SPPL2B: variants seen among roughly 807,000 people sequenced by gnomAD.
The protein encoded by SPPL2B is signal peptide peptidase-like 2B.
In SPPL2B, 39 loss-of-function variants were observed where a neutral mutation model predicts 59.7. The ratio of observed to expected loss-of-function variants is 0.65; its 90% CI spans 0.51 to 0.85. The LOEUF (loss-of-function observed/expected upper bound fraction) is 0.85, where lower values mean the gene tolerates loss of function less well. Among genes scored for constraint, SPPL2B ranks in the 40% least tolerant of loss-of-function variants. The pLI is 0.00. For missense variants in SPPL2B, 865 were observed against 849.0 expected, an observed-to-expected ratio of 1.02 and a Z score of -0.23; for synonymous variants, 419 against 370.8, an observed-to-expected ratio of 1.13 and a Z score of -1.49.
intron 7 of SPPL2B, chr19:2,340,473 A>T: frequency 1.6e-6 from 1 of 610,390 alleles, no homozygotes; most frequent in Non-Finnish European, 3.0e-6. Context: ...GGAACCCAGA[A>T]GGTTCCCCAC....
chr19:2,352,863 C>G (rs910010002), intron 14 of SPPL2B, 83 bp from the exon 15 acceptor site: 4 of 1,485,358 alleles, frequency 2.7e-6, no homozygotes, highest in Non-Finnish European at 3.7e-6. Flanking sequence ...CCGTGGCCTG[C>G]GGGTGCTGGG....
intron 1 of SPPL2B, 21 bp downstream of exon 1, chr19:2,328,796 G>C: frequency 7.3e-7 from 1 of 1,370,496 alleles, no homozygotes; most frequent in Non-Finnish European, 9.4e-7. Flanking sequence ...CACCGGTCCC[G>C]ACGGCACCGC....
chr19:2,332,853 T>G lies in SPPL2B; in HGVS notation c.67-1749T>G, dbSNP rs903730594. On this transcript the variant is annotated intron_variant, in intron 1 of 14. Transcript: ENST00000613503. This position sits in a 1 kb window ranked among gnomAD's most constrained non-coding sequence, Gnocchi z 4.6. ...CTGTGAGACCCTCTGGTGACTGGCA[T>G]CCTGGCGAGATGGAGATGTCTTTGT... Among the ~76,000 whole-genome samples, 8 of 152,094 alleles carry G rather than the reference T, an allele frequency of 5.3e-5. No individual in the cohort carries two copies. The highest frequency in any genetic ancestry group is 1.2e-4 in the Non-Finnish European group (8 of 68,022).
chr19:2,341,555 G>C (rs1297066431), intron 8 of SPPL2B: 4 of 453,280 alleles, frequency 8.8e-6, no homozygotes, highest in Non-Finnish European at 1.8e-5. Flanking sequence ...GCCTGGTGCC[G>C]TGTTGGGAGG....
Position 2,339,805 on chromosome 19 carries a change from C to A in SPPL2B, c.600-19C>A, listed in dbSNP as rs1171933817. ...GCCAGCCGGCCCCAGGGCCCCACGA[C>A]CCCATGGTGTCTCCCAAGAAGGTAC... On this transcript the variant is annotated intron_variant, in intron 5 of 14. Coordinates refer to ENST00000613503, the MANE Select transcript of SPPL2B (RefSeq NM_152988.3). The A allele has an allele frequency of 6.2e-7, 1 of 1,601,192 alleles. No individual in the cohort carries two copies. Among genetic ancestry groups the A allele is most frequent in the East Asian group, 2.3e-5 (1 of 44,246 alleles).
chr19:2,351,824 C>T (rs1245678588), intron 14 of SPPL2B, among the ~76,000 whole-genome samples: 6 of 112,366 alleles, frequency 5.3e-5, no homozygotes, highest in African/African-American at 1.3e-4. Flanking sequence ...CCGGGGGTGC[C>T]GGGTGGGACG....
chr19:2,352,184 AC>A (rs972831720), intron 14 of SPPL2B, among the ~76,000 whole-genome samples: 97 of 150,578 alleles, frequency 6.4e-4, no homozygotes, highest in Middle Eastern at 3.5e-3. Context: ...AGTGGGTGGG[AC>A]CCCCCCTTCC....
chr19:2,350,241 C>T (rs1378358027), intron 13 of SPPL2B, among the ~76,000 whole-genome samples: 2 of 149,534 alleles, frequency 1.3e-5, no homozygotes, highest in Non-Finnish European at 3.0e-5. Context: ...TCTCTCCACA[C>T]ACACACTTGC....
intron 8 of SPPL2B, chr19:2,342,885 C>T (rs1331477510): frequency 3.4e-5 from 12 of 351,438 alleles, no homozygotes; most frequent in Non-Finnish European, 5.0e-5. Flanking sequence ...GTCCACCGTC[C>T]TGGCCCCACC....
Position 2,353,571 on chromosome 19 carries a change from G to C in SPPL2B, c.*362G>C. ...TGGACTCTGGCCGCGGCCACACTTG[G>C]TGCTCACCAGCTGCTTCGGCCTTCA... is the stretch of plus-strand genomic sequence containing the variant. On this transcript the variant is annotated 3_prime_UTR_variant, in exon 15 of 15. Coordinates refer to ENST00000613503, the MANE Select transcript of SPPL2B (RefSeq NM_152988.3). 1 of 247,094 alleles carries C rather than the reference G, an allele frequency of 4.0e-6. No homozygotes were observed. The allele number at this position is 247,094 out of a possible 1,614,324, so 15.3% of individuals were successfully genotyped here.
intron 13 of SPPL2B, among the ~76,000 whole-genome samples, chr19:2,348,174 T>TCG (rs1555756560): frequency 1.3e-5 from 1 of 76,022 alleles, no homozygotes; most frequent in African/African-American, 6.3e-5. Context: ...CCACACACAC[T>TCG]CGCGCTCTCA....
At chr19:2,339,027 G>A (rs1311047031) in intron 4 of SPPL2B, 42 bp from the exon 5 acceptor site, 6 of 1,534,362 alleles carry the variant, frequency 3.9e-6, no homozygotes, top group African/African-American at 1.4e-5. Context: ...CATGGCTGGC[G>A]GGTGGCTCTG....
In SPPL2B at chr19:2,353,338, A is replaced by G. The variant is rs1970036678; in HGVS notation, c.*129A>G. 5.1e-6 allele frequency: 6 copies of G among 1,169,908 alleles called. No homozygotes were observed. The highest frequency in any genetic ancestry group is 7.0e-6 in the Non-Finnish European group (6 of 857,734). 72.5% of individuals were successfully genotyped at this position (1,169,908 alleles called of 1,614,324 possible). A position where few individuals can be genotyped will look rare whatever the true frequency, so the allele number is the denominator to read the frequency against. ...GGCCTGTGCCGTCCCCACCCGCCCC[A>G]ACATGGTGCTCATCCTTGCCGAGAC... On this transcript the variant is annotated 3_prime_UTR_variant, in exon 15 of 15. Coordinates refer to ENST00000613503, the MANE Select transcript of SPPL2B (RefSeq NM_152988.3).
Position 2,338,845 on chromosome 19 carries a change from G to A in SPPL2B, c.459+4G>A, listed in dbSNP as rs1318453116. ...AGACATGCTGGACATCTTCACGGTA[G>A]GTCTGCGCCGGCTCAGACCCACGCT... On this transcript the variant is annotated splice_donor_region_variant and intron_variant, in intron 4 of 14. Transcript: ENST00000613503. 1.2e-6 allele frequency: 2 copies of A among 1,612,710 alleles called. No homozygotes were observed. The highest frequency in any genetic ancestry group is 1.1e-5 in the South Asian group (1 of 91,048).
chr19:2,340,442 G>C (rs1200327206), intron 7 of SPPL2B: 1 of 628,658 alleles, frequency 1.6e-6, no homozygotes, highest in Admixed American at 2.5e-5. Flanking sequence ...GCCGAACCCT[G>C]GGTTCCCCAG....
chr19:2,343,312 G>A lies in SPPL2B; in HGVS notation c.1038+20G>A, dbSNP rs764281469. 94 of 1,543,838 alleles carry A rather than the reference G, an allele frequency of 6.1e-5. 1 individual carries two copies. The highest frequency in any genetic ancestry group is 6.0e-5 in the South Asian group (5 of 83,956). ...TTCAAGGTGAGTGCAGGGAGGGCACGGCTGCGGGGCAGCATGGGTAGTGGG... is the reference window on the plus strand; with the variant it reads ...TTCAAGGTGAGTGCAGGGAGGGCACAGCTGCGGGGCAGCATGGGTAGTGGG... On this transcript the variant is annotated intron_variant, in intron 9 of 14. Transcript: ENST00000613503.
intron 14 of SPPL2B, 156 bp downstream of exon 14, chr19:2,351,750 C>A: frequency 9.7e-7 from 1 of 1,025,828 alleles, no homozygotes; most frequent in Non-Finnish European, 1.4e-6. Flanking sequence ...GCGCGTGAGG[C>A]CCCGGTGGAA....
intron 14 of SPPL2B, among the ~76,000 whole-genome samples, chr19:2,352,716 A>G (rs1160688865): frequency 6.6e-6 from 1 of 152,176 alleles, no homozygotes; most frequent in East Asian, 1.9e-4. Flanking sequence ...CACAGCTCCC[A>G]GCCTCTGCTG....
At chr19:2,333,212 A>G (rs1599196122) in intron 1 of SPPL2B, among the ~76,000 whole-genome samples, 4 of 58,380 alleles carry the variant, frequency 6.9e-5, no homozygotes, top group Non-Finnish European at 1.2e-4. Context: ...CTGGGAGGGG[A>G]GCAGGAGGAG....
Sources: allele counts gnomAD v4.1 joint callset (sites outside exome capture counted in the v4.1 genomes callset), GRCh38; gene constraint gnomAD v4.1.1; non-coding constraint Gnocchi (gnomAD v3.1); transcripts MANE v1.5; gene names NCBI Gene and HGNC (gene_info 2026-07-23, HGNC 2026-07-21).